DNAH10: variants seen among roughly 807,000 people sequenced by gnomAD.
DNAH10 encodes the protein axonemal beta dynein heavy chain 10.
Under a neutral mutation model 506.6 loss-of-function variants are expected in DNAH10, and 348 were observed. That is an observed-to-expected ratio of 0.69 (90% CI 0.63 to 0.75). The LOEUF (loss-of-function observed/expected upper bound fraction) is 0.75. DNAH10 is among the 30% of genes least tolerant of loss of function. The pLI, the probability that DNAH10 is intolerant of heterozygous loss-of-function variation, is 0.00. For synonymous variants in DNAH10, 2,059 were observed against 2,198.6 expected (o/e 0.94, Z 1.78); for missense variants, 5,179 against 5,787.1 (o/e 0.89, Z 3.41).
In DNAH10 at chr12:123,914,494, C is replaced by G. The variant is rs1246557726; in HGVS notation, c.10518C>G (p.Pro3506=). ...ATGACATCCTGGAGCGGGAGATCCC[C>G]CTGAGCCAGCCTTTCCGGCTGGAAA... is the stretch of plus-strand genomic sequence containing the variant. The part of the protein sequence containing the change: ...WQNDILEREI[P]LSQPFRLESL... The change falls in exon 61 of 79, where the codon CCC becomes CCG. Residue 3506 remains proline, a synonymous_variant. Transcript: ENST00000673944. 4.3e-6 allele frequency: 7 copies of G among 1,613,628 alleles called. No individual in the cohort carries two copies. The highest frequency in any genetic ancestry group is 1.3e-5 in the African/African-American group (1 of 74,928).
chr12:123,775,295 G>A (rs767392349), intron 5 of DNAH10, among the ~76,000 whole-genome samples: 48 of 152,174 alleles, frequency 3.2e-4, no homozygotes, highest in Middle Eastern at 6.8e-3. Flanking sequence ...TTATTGTAGA[G>A]ACAGGGTCTC....
chr12:123,889,959 G>A (rs991075869), intron 52 of DNAH10, among the ~76,000 whole-genome samples: 1 of 152,150 alleles, frequency 6.6e-6, no homozygotes, highest in African/African-American at 2.4e-5. Context: ...AAACTCAGCT[G>A]CTTCTCTCTT....
Position 123,857,229 on chromosome 12 carries a change from C to T in DNAH10, c.6612C>T (p.Tyr2204=), listed in dbSNP as rs764130377. The T allele has an allele frequency of 1.1e-5, 17 of 1,577,640 alleles. No individual in the cohort carries two copies. The highest frequency in any genetic ancestry group is 1.7e-4 in the Middle Eastern group (1 of 6,022). Residue 2204 remains tyrosine (Y), a synonymous_variant, in exon 37 of 79, where the codon TAC becomes TAT. Transcript: ENST00000673944. ...AGCAGGTCCTGGAGGAGAACGGCTA[C>T]GCGGTCCTACCCATCCAGGTAAAGC... The part of the protein sequence containing the change: ...AVEQVLEENG[Y]AVLPIQVDKV...
chr12:123,848,232 A>G, intron 33 of DNAH10, 137 bp downstream of exon 33: 1 of 1,311,126 alleles, frequency 7.6e-7, no homozygotes, highest in Non-Finnish European at 1.0e-6. Context: ...CCACAGCCCC[A>G]GAACCTAAGT....
chr12:123,790,157 C>A, intron 11 of DNAH10, 36 bp downstream of exon 11: 2 of 1,586,710 alleles, frequency 1.3e-6, no homozygotes, highest in South Asian at 1.1e-5. Flanking sequence ...TCTTGGGAGT[C>A]GACACCATGT....
In DNAH10 at chr12:123,926,739, T is replaced by C. The variant is rs1463367212; in HGVS notation, c.12024T>C (p.Thr4008=). ...TGAGTCCTGGCTCCGACCCTGCCAC[T>C]GATCTTATGAAATTAGCAGAGCGAA... ...FILSPGSDPA[T]DLMKLAERSG... The change falls in exon 69 of 79, where the codon ACT becomes ACC. Residue 4008 remains threonine (T), a synonymous_variant. Transcript: ENST00000673944. This position sits in a 1 kb window ranked among gnomAD's most constrained non-coding sequence, Gnocchi z 4.1. 6.2e-7 allele frequency: 1 copy of C among 1,613,884 alleles called. No homozygotes were observed. The highest frequency in any genetic ancestry group is 8.5e-7 in the Non-Finnish European group (1 of 1,179,904).
At chr12:123,779,185 G>A (rs1000283832) in intron 5 of DNAH10, among the ~76,000 whole-genome samples, 5 of 151,782 alleles carry the variant, frequency 3.3e-5, no homozygotes, top group Admixed American at 2.0e-4. Context: ...TTACAGGTGT[G>A]AGCCACCGTG....
chr12:123,931,908 G>C (rs751665213), intron 75 of DNAH10, 33 bp from the exon 76 acceptor site: 9 of 1,613,034 alleles, frequency 5.6e-6, no homozygotes, highest in South Asian at 5.5e-5. Flanking sequence ...GGTTCTGATA[G>C]AGTCCTGCCC....
chr12:123,779,524 C>T (rs1957564780), intron 5 of DNAH10, among the ~76,000 whole-genome samples: 1 of 152,036 alleles, frequency 6.6e-6, no homozygotes, highest in Non-Finnish European at 1.5e-5. Flanking sequence ...GTCTTTATAT[C>T]AGCATCTCAG....
chr12:123,932,218 G>C lies in DNAH10; in HGVS notation c.13296+110G>C, dbSNP rs967305197. The C allele has an allele frequency of 2.3e-6, 3 of 1,281,912 alleles. No individual in the cohort carries two copies. The Admixed American group carries it at 7.1e-5, about 30-fold the overall frequency. The allele number at this position is 1,281,912 out of a possible 1,614,324, so 79.4% of individuals were successfully genotyped here. A position where few individuals can be genotyped will look rare whatever the true frequency, so the allele number is the denominator to read the frequency against. ...TTGCCCAGCAGTAACCTCTGTTAAA[G>C]TTTATTGGGTGCTCTGGAAATGGTC... On this transcript the variant is annotated intron_variant, in intron 76 of 78. Transcript: ENST00000673944.
chr12:123,928,203 G>GC lies in DNAH10; in HGVS notation c.12106-181dup, dbSNP rs1245464838. On this transcript the variant is annotated intron_variant, in intron 69 of 78. Coordinates refer to ENST00000673944, the MANE Select transcript of DNAH10 (RefSeq NM_001372106.1). The surrounding 1 kb of genome is among the most constrained non-coding windows in gnomAD (Gnocchi z 4.9). ...GTGACCAGCTCAGTGCACCCACGGG[G>GC]CCCATGGGGTTTCTCAAAGATGGTT... The GC allele has an allele frequency of 1.5e-6, 1 of 672,274 alleles. No individual in the cohort carries two copies. Among genetic ancestry groups the GC allele is most frequent in the Non-Finnish European group, 2.5e-6 (1 of 401,576 alleles). 41.6% of individuals were successfully genotyped at this position (672,274 alleles called of 1,614,324 possible).
At chr12:123,848,953 G>A in intron 34 of DNAH10, 71 bp downstream of exon 34, 3 of 1,561,946 alleles carry the variant, frequency 1.9e-6, no homozygotes. Flanking sequence ...AGCTTCCTCT[G>A]TAGCGTCAGT....
intron 9 of DNAH10, among the ~76,000 whole-genome samples, chr12:123,786,237 A>T (rs148428079): frequency 1.2e-3 from 183 of 152,006 alleles, no homozygotes; most frequent in Middle Eastern, 3.4e-3. Context: ...GAATTGCTTG[A>T]ACCTGGGAGG....
At position 123,917,241 on chromosome 12, in the gene DNAH10, A is replaced by G. The variant is rs1479013040; in HGVS notation, c.11003-343A>G. Among the ~76,000 whole-genome samples, 7 of 152,146 alleles carry G rather than the reference A, an allele frequency of 4.6e-5. No homozygotes were observed. Among genetic ancestry groups the G allele is most frequent in the African/African-American group, 1.7e-4 (7 of 41,430 alleles). On this transcript the variant is annotated intron_variant, in intron 63 of 78. Coordinates refer to ENST00000673944, the MANE Select transcript of DNAH10 (RefSeq NM_001372106.1). The surrounding 1 kb of genome is among the most constrained non-coding windows in gnomAD (Gnocchi z 5.6). The stretch of plus-strand genomic sequence containing the variant: ...TGTCTGGGCTCAAACTTCTGGGCTC[A>G]AGTGATCCTCCTGCCTCTGCCTCCC...
Position 123,919,801 on chromosome 12 carries a change from G to C in DNAH10, c.11506+852G>C, listed in dbSNP as rs992920265. The stretch of plus-strand genomic sequence containing the variant: ...CTGCGTGTGTCAGCGCTTCATTCCT[G>C]CCTGTGGCTGAGTCACATTCCATGT... On this transcript the variant is annotated intron_variant, in intron 65 of 78. Coordinates refer to ENST00000673944, the MANE Select transcript of DNAH10 (RefSeq NM_001372106.1). The surrounding 1 kb of genome is among the most constrained non-coding windows in gnomAD (Gnocchi z 4.9). Among the ~76,000 whole-genome samples the C allele has an allele frequency of 4.6e-5, 7 of 152,208 alleles. No homozygotes were observed. Among genetic ancestry groups the C allele is most frequent in the Non-Finnish European group, 7.3e-5 (5 of 68,046 alleles).
intron 19 of DNAH10, among the ~76,000 whole-genome samples, chr12:123,811,326 C>CT (rs113411148): frequency 0.043 from 6,112 of 142,472 alleles, 175 homozygotes; most frequent in African/African-American, 0.084. Context: ...ATTAGTATTA[C>CT]TTTTTTTTTT....
chr12:123,858,968 G>A (rs967840972), intron 37 of DNAH10, among the ~76,000 whole-genome samples, 182 bp from the exon 38 acceptor site: 1 of 152,088 alleles, frequency 6.6e-6, no homozygotes, highest in Non-Finnish European at 1.5e-5. Flanking sequence ...TTTGTGGGGA[G>A]GGGTGATAAA....
Position 123,772,818 on chromosome 12 carries a change from G to A in DNAH10, c.397-16G>A. The A allele has an allele frequency of 6.4e-7, 1 of 1,574,348 alleles. No individual in the cohort carries two copies. The highest frequency in any genetic ancestry group is 8.6e-7 in the Non-Finnish European group (1 of 1,158,312). ...TGTATCACAAGAATGAATGGTTTTT[G>A]TTCCCCATGTTTCAGAGAACTGCGA... On this transcript the variant is annotated splice_polypyrimidine_tract_variant and intron_variant, in intron 3 of 78. Coordinates refer to ENST00000673944, the MANE Select transcript of DNAH10 (RefSeq NM_001372106.1).
chr12:123,791,109 G>T (rs964437663), intron 11 of DNAH10, among the ~76,000 whole-genome samples: 11 of 151,930 alleles, frequency 7.2e-5, no homozygotes, highest in Admixed American at 6.6e-4. Context: ...GCAGCCTGGG[G>T]GACAGAGTAA....
Sources: allele counts gnomAD v4.1 joint callset (sites outside exome capture counted in the v4.1 genomes callset), GRCh38; gene constraint gnomAD v4.1.1; non-coding constraint Gnocchi (gnomAD v3.1); transcripts MANE v1.5; gene names NCBI Gene and HGNC (gene_info 2026-07-23, HGNC 2026-07-21).